The following JMJD4 variants were observed in gnomAD, a reference collection of about 807,000 sequenced individuals.
JMJD4 encodes 2-oxoglutarate and iron-dependent oxygenase JMJD4.
In JMJD4, 34 loss-of-function variants were observed where a neutral mutation model predicts 36.3. The observed-to-expected ratio is 0.94, with a 90% CI of 0.71 to 1.25. The LOEUF is 1.25. Ranked by LOEUF, JMJD4 falls within the 50% of genes most tolerant of loss-of-function variation. JMJD4 has a pLI of 0.00. For synonymous variants in JMJD4, 269 were observed against 235.3 expected (o/e 1.14, Z -1.31); for missense variants, 584 against 559.1 (o/e 1.04, Z -0.45).
chr1:227,732,365 C>G lies in JMJD4; in HGVS notation c.*27G>C, dbSNP rs1382527243. 2 of 1,604,662 alleles carry G rather than the reference C, an allele frequency of 1.2e-6. No homozygotes were observed. Among genetic ancestry groups the G allele is most frequent in the South Asian group, 2.2e-5 (2 of 90,906 alleles). The stretch of plus-strand genomic sequence containing the variant: ...GGAGCAGGAGGCTGCCTCTCTTCCA[C>G]CCGTCCTTCTATCCTCACGACAGGT... On this transcript the variant is annotated 3_prime_UTR_variant, in exon 6 of 6. Transcript: ENST00000620518.
rs757297162 is a variant in JMJD4, at chr1:227,735,294, G to A, written c.-21C>T. On this transcript the variant is annotated 5_prime_UTR_variant, in exon 1 of 6. Transcript: ENST00000620518. ...TCCATCCAGCTCAGCACGGGTCGAA[G>A]GACCCTCCTCCTCACTTCCGCCGGA... is the stretch of plus-strand genomic sequence containing the variant. 1.2e-6 allele frequency: 2 copies of A among 1,605,518 alleles called. No homozygotes were observed. Among genetic ancestry groups the A allele is most frequent in the Non-Finnish European group, 1.7e-6 (2 of 1,177,704 alleles).
At chr1:227,733,867 C>T (rs370146216) in intron 3 of JMJD4, 40 bp downstream of exon 3, 12 of 1,610,504 alleles carry the variant, frequency 7.5e-6, no homozygotes, top group Non-Finnish European at 8.5e-6. Flanking sequence ...GTTCTGTCAC[C>T]AGGCCCCTTC....
In JMJD4 at chr1:227,732,017, A is replaced by C; in HGVS notation, c.*375T>G. 3.4e-6 allele frequency: 1 copy of C among 292,308 alleles called. No individual in the cohort carries two copies. The allele number at this position is 292,308 out of a possible 1,614,324, so 18.1% of individuals were successfully genotyped here. A position where few individuals can be genotyped will look rare whatever the true frequency, so the allele number is the denominator to read the frequency against. The stretch of plus-strand genomic sequence containing the variant: ...ACAGGGCAGAGCCAGGGGTGGTCCA[A>C]TGGCCTGAGACGAGGGGACAGGGCT... On this transcript the variant is annotated 3_prime_UTR_variant, in exon 6 of 6. Coordinates refer to ENST00000620518, the MANE Select transcript of JMJD4 (RefSeq NM_023007.3).
In JMJD4 at chr1:227,733,967, A is replaced by C. The variant is rs776548711; in HGVS notation, c.494T>G (p.Phe165Cys). 1 of 1,613,948 alleles carries C rather than the reference A, an allele frequency of 6.2e-7. No homozygotes were observed. The highest frequency in any genetic ancestry group is 2.2e-5 in the East Asian group (1 of 44,874). Reference protein sequence around the residue: ...VYFSSDWLNEFWDALDVDDYR... With the variant: ...VYFSSDWLNECWDALDVDDYR... The stretch of plus-strand genomic sequence containing the variant: ...GTCATCCACATCCAGTGCATCCCAG[A>C]ACTCATTCAGCCAGTCGGACGAGAA... The change falls in exon 3 of 6, where the codon TTC becomes TGC. Residue 165 changes from phenylalanine (F) to cysteine (C), a missense_variant. By Grantham distance (205) the Phe-to-Cys change is radical. Transcript: ENST00000620518.
In JMJD4 at chr1:227,732,226, G is replaced by C; in HGVS notation, c.*166C>G. 1 of 750,390 alleles carries C rather than the reference G, an allele frequency of 1.3e-6. No individual in the cohort carries two copies. Among genetic ancestry groups the C allele is most frequent in the South Asian group, 1.8e-5 (1 of 56,702 alleles). The allele number at this position is 750,390 out of a possible 1,614,324, so 46.5% of individuals were successfully genotyped here. A position where few individuals can be genotyped will look rare whatever the true frequency, so the allele number is the denominator to read the frequency against. ...CATCTTGGGTCCCTGACCTCATTGG[G>C]CCTCACCTGAAAACAGGCACCCAGG... On this transcript the variant is annotated 3_prime_UTR_variant, in exon 6 of 6. Transcript: ENST00000620518.
rs1660800819 is a variant in JMJD4 at position 227,733,355 on chromosome 1, G to A, written c.822+59C>T. 4.6e-6 allele frequency: 7 copies of A among 1,518,044 alleles called. No individual in the cohort carries two copies. In the East Asian group the frequency reaches 7.0e-5, roughly 15 times the overall value. 94.0% of individuals were successfully genotyped at this position (1,518,044 alleles called of 1,614,324 possible). ...CTCTGGCTGGGAGAGTGGGGAGGTGGTGCTGCCGTCTTCCTGCAGGAAGGC... is the reference window on the plus strand; with the variant it reads ...CTCTGGCTGGGAGAGTGGGGAGGTGATGCTGCCGTCTTCCTGCAGGAAGGC... On this transcript the variant is annotated intron_variant, in intron 4 of 5. Coordinates refer to ENST00000620518, the MANE Select transcript of JMJD4 (RefSeq NM_023007.3).
intron 4 of JMJD4, 153 bp from the exon 5 acceptor site, chr1:227,733,180 T>C: frequency 1.0e-6 from 1 of 958,418 alleles, no homozygotes; most frequent in Admixed American, 2.7e-5. Context: ...AGCAGGGAAG[T>C]GGGTGGCGGG....
At position 227,733,174 on chromosome 1, in the gene JMJD4, G is replaced by A. The variant is rs992505650; in HGVS notation, c.823-147C>T. ...GTCTCCCAGCAGGGCTTGCTCAGCA[G>A]GGAAGTGGGTGGCGGGCTCGGACCA... is the stretch of plus-strand genomic sequence containing the variant. On this transcript the variant is annotated intron_variant, in intron 4 of 5. Coordinates refer to ENST00000620518, the MANE Select transcript of JMJD4 (RefSeq NM_023007.3). 9.0e-6 allele frequency: 9 copies of A among 995,920 alleles called. No individual in the cohort carries two copies. The South Asian group carries it at 1.4e-4, about 16-fold the overall frequency. 61.7% of individuals were successfully genotyped at this position (995,920 alleles called of 1,614,324 possible). A position where few individuals can be genotyped will look rare whatever the true frequency, so the allele number is the denominator to read the frequency against.
At position 227,733,641 on chromosome 1, in the gene JMJD4, A is replaced by G; in HGVS notation, c.595T>C (p.Ser199Pro). ...HADIFRSFSW[S>P]VNVCGRKKWL... The stretch of plus-strand genomic sequence containing the variant: ...TTCTTCCTCCCACAGACATTGACAG[A>G]CCAGCTGAAGGAGCGGAAGATGTCA... Residue 199 changes from serine to proline, a missense_variant, in exon 4 of 6, where the codon TCT becomes CCT. By Grantham distance (74) the Ser-to-Pro change is moderately conservative. Transcript: ENST00000620518. 6.2e-7 allele frequency: 1 copy of G among 1,604,560 alleles called. No individual in the cohort carries two copies. The highest frequency in any genetic ancestry group is 8.5e-7 in the Non-Finnish European group (1 of 1,179,606).
Position 227,732,071 on chromosome 1 carries a change from G to A in JMJD4, c.*321C>T, listed in dbSNP as rs1374301500. The A allele has an allele frequency of 4.5e-6, 2 of 444,814 alleles. No individual in the cohort carries two copies. The highest frequency in any genetic ancestry group is 2.0e-5 in the African/African-American group (1 of 50,726). 27.6% of individuals were successfully genotyped at this position (444,814 alleles called of 1,614,324 possible). A position where few individuals can be genotyped will look rare whatever the true frequency, so the allele number is the denominator to read the frequency against. On this transcript the variant is annotated 3_prime_UTR_variant, in exon 6 of 6. Coordinates refer to ENST00000620518, the MANE Select transcript of JMJD4 (RefSeq NM_023007.3). Reference sequence around the variant, plus strand: ...CTATTAAGAGGAGCCACCAGAGAAGGCACACCAGACACAGACTCCTGTCAG... The same window carrying A: ...CTATTAAGAGGAGCCACCAGAGAAGACACACCAGACACAGACTCCTGTCAG...
At position 227,732,926 on chromosome 1, in the gene JMJD4, G is replaced by C; in HGVS notation, c.924C>G (p.Val308=). ...CGGGCATGGAGTCCCTCCACTCGCT[G>C]ACCTCCTCCTGCACGGCGCATAGCT... ...QQELCAVQEE[V]SEWRDSMPDW... is the part of the protein sequence containing the mutation. The change falls in exon 5 of 6, where the codon GTC becomes GTG. Residue 308 remains valine (V), a synonymous_variant. Transcript: ENST00000620518. 1 of 1,613,080 alleles carries C rather than the reference G, an allele frequency of 6.2e-7. No individual in the cohort carries two copies. Among genetic ancestry groups the C allele is most frequent in the Non-Finnish European group, 8.5e-7 (1 of 1,180,010 alleles).
In JMJD4 at chr1:227,735,274, C is replaced by T. The variant is rs201397186; in HGVS notation, c.-1G>A. On this transcript the variant is annotated 5_prime_UTR_variant, in exon 1 of 6. Transcript: ENST00000620518. The stretch of plus-strand genomic sequence containing the variant: ...CGAGGGCGCGCGTCTCGCGGTCCAT[C>T]CAGCTCAGCACGGGTCGAAGGACCC... 344 of 1,606,786 alleles carry T rather than the reference C, an allele frequency of 2.1e-4. No homozygotes were observed. Among genetic ancestry groups the T allele is most frequent in the Non-Finnish European group, 2.7e-4 (323 of 1,177,652 alleles).
At position 227,732,613 on chromosome 1, in the gene JMJD4, C is replaced by T. The variant is rs41270155; in HGVS notation, c.1033G>A (p.Ala345Thr). Reference sequence around the variant, plus strand: ...CTCAGGACCAGGAGCCTCTTCTCAGCGATGACCTTGAGGAAGTGGTAAAAC... The same window carrying T: ...CTCAGGACCAGGAGCCTCTTCTCAGTGATGACCTTGAGGAAGTGGTAAAAC... ...EEFYHFLKVIAEKRLLVLREA... is the reference protein window; with the variant it reads ...EEFYHFLKVITEKRLLVLREA... The change falls in exon 6 of 6, where the codon GCT becomes ACT. Residue 345 changes from alanine (A) to threonine (T), a missense_variant. Coordinates refer to ENST00000620518, the MANE Select transcript of JMJD4 (RefSeq NM_023007.3). The T allele has an allele frequency of 5.9e-3, 9,580 of 1,613,502 alleles. 35 individuals are homozygous for T. The highest frequency in any genetic ancestry group is 7.4e-3 in the Non-Finnish European group (8,779 of 1,180,018).
At position 227,732,168 on chromosome 1, in the gene JMJD4, G is replaced by A. The variant is rs1458178648; in HGVS notation, c.*224C>T. 1.0e-5 allele frequency: 6 copies of A among 599,752 alleles called. No individual in the cohort carries two copies. The Admixed American group carries it at 1.2e-4, about 12-fold the overall frequency. The allele number at this position is 599,752 out of a possible 1,614,324, so 37.2% of individuals were successfully genotyped here. A position where few individuals can be genotyped will look rare whatever the true frequency, so the allele number is the denominator to read the frequency against. On this transcript the variant is annotated 3_prime_UTR_variant, in exon 6 of 6. Transcript: ENST00000620518. The stretch of plus-strand genomic sequence containing the variant: ...TCCTGGCACCATCTCCGAGCTCCCA[G>A]CAGGCCTGCTGCAGGTCAGAAGGGC...
At position 227,731,965 on chromosome 1, in the gene JMJD4, G is replaced by A; in HGVS notation, c.*427C>T. 1 of 215,098 alleles carries A rather than the reference G, an allele frequency of 4.6e-6. No individual in the cohort carries two copies. The highest frequency in any genetic ancestry group is 8.6e-5 in the South Asian group (1 of 11,608). The allele number at this position is 215,098 out of a possible 1,614,324, so 13.3% of individuals were successfully genotyped here. ...CTGGAGGCCCTGGTGAGCTTGCCCA[G>A]CACTGCTCCAACCCCTCCCTGAACC... On this transcript the variant is annotated 3_prime_UTR_variant, in exon 6 of 6. Coordinates refer to ENST00000620518, the MANE Select transcript of JMJD4 (RefSeq NM_023007.3).
intron 2 of JMJD4, 37 bp downstream of exon 2, chr1:227,734,614 G>A: frequency 6.2e-7 from 1 of 1,608,520 alleles, no homozygotes. Context: ...GCAGCGCTAG[G>A]GAAGGCAGCG....
In JMJD4 at chr1:227,731,990, C is replaced by G. The variant is rs550803634; in HGVS notation, c.*402G>C. 25 of 250,332 alleles carry G rather than the reference C, an allele frequency of 1.0e-4. No homozygotes were observed. The highest frequency in any genetic ancestry group is 7.3e-4 in the South Asian group (12 of 16,392). The allele number at this position is 250,332 out of a possible 1,614,324, so 15.5% of individuals were successfully genotyped here. A position where few individuals can be genotyped will look rare whatever the true frequency, so the allele number is the denominator to read the frequency against. On this transcript the variant is annotated 3_prime_UTR_variant, in exon 6 of 6. Coordinates refer to ENST00000620518, the MANE Select transcript of JMJD4 (RefSeq NM_023007.3). ...GCACTGCTCCAACCCCTCCCTGAAC[C>G]CACAGGGCAGAGCCAGGGGTGGTCC...
intron 3 of JMJD4, 108 bp downstream of exon 3, chr1:227,733,799 C>T: frequency 1.3e-6 from 2 of 1,585,156 alleles, no homozygotes; most frequent in Non-Finnish European, 1.7e-6. Context: ...AGGGATGGCA[C>T]CCACTGTGAG....
In JMJD4 at chr1:227,735,214, G is replaced by A. The variant is rs750271943; in HGVS notation, c.60C>T (p.Val20=). The part of the protein sequence containing the change: ...DSHFRGLGVD[V]PGVGQAPGRV... ...GGCCCGGAGCCTGGCCGACGCCGGG[G>A]ACATCGACCCCCAGGCCTCGGAAGT... The change falls in exon 1 of 6, where the codon GTC becomes GTT. Residue 20 remains valine, a synonymous_variant. Transcript: ENST00000620518. 6 of 1,589,344 alleles carry A rather than the reference G, an allele frequency of 3.8e-6. No individual in the cohort carries two copies. In the African/African-American group the frequency reaches 6.7e-5, roughly 18 times the overall value.
Sources: allele counts gnomAD v4.1 joint callset, GRCh38; gene constraint gnomAD v4.1.1; transcripts MANE v1.5; gene names NCBI Gene and HGNC (gene_info 2026-07-23, HGNC 2026-07-21).